Variants in TTN observed in about 807,000 individuals in gnomAD.
The protein encoded by TTN is titin, also known as connectin.
In TTN, 1,525 loss-of-function variants were observed where a neutral mutation model predicts 3,223.0. That is an observed-to-expected ratio of 0.47 (90% CI 0.45 to 0.49). The LOEUF is 0.49. TTN is among the 20% of genes least tolerant of loss of function. The pLI is 0.00. For missense variants in TTN, 40,786 were observed against 43,424.0 expected (o/e 0.94, Z 5.40); for synonymous variants, 14,094 against 15,161.0 (o/e 0.93, Z 5.17).
At position 178,543,946 on chromosome 2, in the gene TTN, G is replaced by C. The variant is rs747323263; in HGVS notation, c.96198C>G (p.Ser32066Arg). ...ASRAIIDTTE[S>R]YSLLIVDKVN... ...CTTTGTCCACTATTAGCAATGAGTA[G>C]CTCTCAGTGGTGTCAATAATTGCCC... The change falls in exon 346 of 363, where the codon AGC (serine) becomes AGG (arginine). Residue 32066 changes from serine (S) to arginine (R), a missense_variant. By Grantham distance (110) the Ser-to-Arg change is moderately radical. Transcript: ENST00000589042. 6.8e-6 allele frequency: 11 copies of C among 1,613,562 alleles called. No homozygotes were observed. The highest frequency in any genetic ancestry group is 9.3e-6 in the Non-Finnish European group (11 of 1,179,724).
At position 178,567,857 on chromosome 2, in the gene TTN, G is replaced by C. The variant is rs745927210; in HGVS notation, c.78275C>G (p.Pro26092Arg). The change falls in exon 326 of 363, where the codon CCA (proline) becomes CGA (arginine). Residue 26092 changes from proline (P) to arginine (R), a missense_variant. Coordinates refer to ENST00000589042, the MANE Select transcript of TTN (RefSeq NM_001267550.2). ...CYVARDPCDP[P>R]GTPEPIMVKR... is the part of the protein sequence containing the mutation. ...AACCATTATTGGTTCTGGGGTTCCT[G>C]GTGGGTCACAGGGATCTCTGGCTAC... 1.9e-6 allele frequency: 3 copies of C among 1,613,502 alleles called. No homozygotes were observed. Among genetic ancestry groups the C allele is most frequent in the South Asian group, 1.1e-5 (1 of 91,072 alleles).
In TTN at chr2:178,636,515, C is replaced by T; in HGVS notation, c.41212G>A (p.Gly13738Ser). The change falls in exon 225 of 363, where the codon GGT (glycine) becomes AGT (serine). Residue 13738 changes from glycine (G) to serine (S), a missense_variant. Gly to Ser is a moderately conservative substitution (Grantham distance 56, BLOSUM62 0). Transcript: ENST00000589042. This position sits in a 1 kb window ranked among gnomAD's most constrained non-coding sequence, Gnocchi z 4.3. ...ATGATGTGCAGCTTTCTGTCTTTAC[C>T]ATCTGCAATAAACCTGTGCTTGGGA... Reference protein sequence around the residue: ...ESPKHRFIADGKDRKLHIIDV... With the variant: ...ESPKHRFIADSKDRKLHIIDV... 1 of 1,613,428 alleles carries T rather than the reference C, an allele frequency of 6.2e-7. No individual in the cohort carries two copies. The highest frequency in any genetic ancestry group is 8.5e-7 in the Non-Finnish European group (1 of 1,179,574).
At position 178,539,785 on chromosome 2, in the gene TTN, A is replaced by G; in HGVS notation, c.98280T>C (p.Leu32760=). ...CACCCCTGTCTGCTTCTTTGATCAC[A>G]AGCTCAGTGTGTGTTTCAGATGTTG... The part of the protein sequence containing the change: ...MIATSETHTE[L]VIKEADRGDS... The change falls in exon 352 of 363, where the codon CTT becomes CTC. Residue 32760 remains leucine, a synonymous_variant. Coordinates refer to ENST00000589042, the MANE Select transcript of TTN (RefSeq NM_001267550.2). 6.2e-7 allele frequency: 1 copy of G among 1,613,820 alleles called. No homozygotes were observed. Among genetic ancestry groups the G allele is most frequent in the Non-Finnish European group, 8.5e-7 (1 of 1,179,766 alleles).
intron 313 of TTN, 46 bp from the exon 314 acceptor site, chr2:178,582,638 G>A: frequency 5.2e-6 from 8 of 1,539,542 alleles, no homozygotes; most frequent in Non-Finnish European, 7.0e-6. Flanking sequence ...TGGGGAATGA[G>A]TATAGAGTAG....
Position 178,701,324 on chromosome 2 carries a change from C to T in TTN, c.30599-121G>A, listed in dbSNP as rs66521408. ...GGTATTATAGTACGAATTCATCAGT[C>T]GGAACAAATAAAAGTAGCATTTATT... On this transcript the variant is annotated intron_variant, in intron 110 of 362. Transcript: ENST00000589042. The T allele has an allele frequency of 0.072, 74,980 of 1,045,472 alleles. 3,267 individuals are homozygous for T. Among genetic ancestry groups the T allele is most frequent in the Non-Finnish European group, 0.084 (61,383 of 727,842 alleles). 64.8% of individuals were successfully genotyped at this position (1,045,472 alleles called of 1,614,324 possible). A position where few individuals can be genotyped will look rare whatever the true frequency, so the allele number is the denominator to read the frequency against.
At chr2:178,631,796 C>T (rs1373302668) in intron 236 of TTN, among the ~76,000 whole-genome samples, 1 of 151,980 alleles carries the variant, frequency 6.6e-6, no homozygotes, top group Non-Finnish European at 1.5e-5. Flanking sequence ...GTAATATCTT[C>T]TCTTATGGGA....
Position 178,571,492 on chromosome 2 carries a change from C to A in TTN, c.74640G>T (p.Gln24880His), listed in dbSNP as rs755733728. 6.8e-6 allele frequency: 11 copies of A among 1,613,182 alleles called. No individual in the cohort carries two copies. In the South Asian group the frequency reaches 1.2e-4, roughly 18 times the overall value. Residue 24880 changes from glutamine (Q) to histidine (H), a missense_variant, in exon 326 of 363, where the codon CAG becomes CAT. Physicochemically the swap from Gln to His is conservative, Grantham distance 24 (BLOSUM62 0). Coordinates refer to ENST00000589042, the MANE Select transcript of TTN (RefSeq NM_001267550.2). Reference sequence around the variant, plus strand: ...ATCTGTTTTCAGCTGCAATTCTAAACTGATATTCACATCCAGTCTTCAGTC... The same window carrying A: ...ATCTGTTTTCAGCTGCAATTCTAAAATGATATTCACATCCAGTCTTCAGTC... ...ACRLKTGCEYQFRIAAENRYG... is the reference protein window; with the variant it reads ...ACRLKTGCEYHFRIAAENRYG...
chr2:178,549,789 G>A lies in TTN; in HGVS notation c.91933C>T (p.Leu30645Phe), dbSNP rs1237954818. 3 of 1,611,482 alleles carry A rather than the reference G, an allele frequency of 1.9e-6. No individual in the cohort carries two copies. Among genetic ancestry groups the A allele is most frequent in the African/African-American group, 2.7e-5 (2 of 74,862 alleles). The change falls in exon 338 of 363, where the codon CTC becomes TTC. Residue 30645 changes from leucine (L) to phenylalanine (F), a missense_variant. Coordinates refer to ENST00000589042, the MANE Select transcript of TTN (RefSeq NM_001267550.2). Reference protein sequence around the residue: ...EKMTLWWDAPLNDGCAPITHY... With the variant: ...EKMTLWWDAPFNDGCAPITHY... Reference sequence around the variant, plus strand: ...GTTATGGGAGCACAACCGTCATTGAGTGGGGCATCCCACCACAGAGTCATC... The same window carrying A: ...GTTATGGGAGCACAACCGTCATTGAATGGGGCATCCCACCACAGAGTCATC...
chr2:178,561,073 C>A lies in TTN; in HGVS notation c.85059G>T (p.Glu28353Asp), dbSNP rs752851241. 1 of 1,613,826 alleles carries A rather than the reference C, an allele frequency of 6.2e-7. No individual in the cohort carries two copies. Among genetic ancestry groups the A allele is most frequent in the Non-Finnish European group, 8.5e-7 (1 of 1,179,786 alleles). Residue 28353 changes from glutamate (E) to aspartate (D), a missense_variant, in exon 326 of 363, where the codon GAG (glutamate) becomes GAT (aspartate). Transcript: ENST00000589042. Reference protein sequence around the residue: ...TGPIIVKDDVEPPRVMMDVKF... With the variant: ...TGPIIVKDDVDPPRVMMDVKF... ...TGACATCCATCATAACTCTTGGAGGCTCAACATCATCTTTAACTATAATAG... is the reference window on the plus strand; with the variant it reads ...TGACATCCATCATAACTCTTGGAGGATCAACATCATCTTTAACTATAATAG...
Position 178,783,706 on chromosome 2 carries a change from A to T in TTN, c.2841+14T>A. 6.2e-7 allele frequency: 1 copy of T among 1,608,330 alleles called. No homozygotes were observed. Among genetic ancestry groups the T allele is most frequent in the South Asian group, 1.1e-5 (1 of 90,960 alleles). ...ATATGAATAGGGTCCAGCATTATCA[A>T]CTTCTTTACTCACCGAGACCAAAGT... On this transcript the variant is annotated intron_variant, in intron 17 of 362. Transcript: ENST00000589042.
intron 45 of TTN, 125 bp from the exon 46 acceptor site, chr2:178,756,922 A>G: frequency 1.2e-6 from 1 of 826,682 alleles, no homozygotes; most frequent in South Asian, 1.8e-5. Flanking sequence ...ACTTGAAAGC[A>G]GCATGCCAGA....
In TTN at chr2:178,536,416, G is replaced by T; in HGVS notation, c.100331C>A (p.Thr33444Lys). The change falls in exon 357 of 363, where the codon ACA (threonine) becomes AAA (lysine). Residue 33444 changes from threonine (T) to lysine (K), a missense_variant. By Grantham distance (78) the Thr-to-Lys change is moderately conservative. Transcript: ENST00000589042. The stretch of plus-strand genomic sequence containing the variant: ...AAAGACAGTTTCTCGAATTTCTTCT[G>T]TTGTCACAGAAATCCATTTATTCTG... ...KKQNKWISVT[T>K]EEIRETVFSV... The T allele has an allele frequency of 1.9e-6, 3 of 1,613,494 alleles. No individual in the cohort carries two copies. The highest frequency in any genetic ancestry group is 2.5e-6 in the Non-Finnish European group (3 of 1,179,660).
chr2:178,718,003 A>C lies in TTN; in HGVS notation c.25003T>G (p.Ser8335Ala), dbSNP rs773006091. 1 of 1,613,786 alleles carries C rather than the reference A, an allele frequency of 6.2e-7. No homozygotes were observed. The highest frequency in any genetic ancestry group is 8.5e-7 in the Non-Finnish European group (1 of 1,179,714). ...KVDHSDVGEYSCKADNSVGAV... is the reference protein window; with the variant it reads ...KVDHSDVGEYACKADNSVGAV... ...CCCACACTGTTGTCTGCCTTGCATG[A>C]ATACTCTCCCACATCACTGTGATCC... is the stretch of plus-strand genomic sequence containing the variant. The change falls in exon 86 of 363, where the codon TCA (serine) becomes GCA (alanine). Residue 8335 changes from serine to alanine, a missense_variant. Physicochemically the swap from Ser to Ala is moderately conservative, Grantham distance 99. Coordinates refer to ENST00000589042, the MANE Select transcript of TTN (RefSeq NM_001267550.2).
Position 178,640,113 on chromosome 2 carries a change from G to C in TTN, c.40724-3C>G. 1 of 1,611,500 alleles carries C rather than the reference G, an allele frequency of 6.2e-7. No homozygotes were observed. Among genetic ancestry groups the C allele is most frequent in the Non-Finnish European group, 8.5e-7 (1 of 1,178,526 alleles). On this transcript the variant is annotated splice_region_variant and splice_polypyrimidine_tract_variant and intron_variant, in intron 221 of 362. Transcript: ENST00000589042. ...TATTGCTGGCTTGATTTCAGGCACT[G>C]AAATAATTTAGAGTAGAGGGCAGAT...
At position 178,532,151 on chromosome 2, in the gene TTN, A is replaced by G. The variant is rs531581032; in HGVS notation, c.104464T>C (p.Ser34822Pro). 3 of 1,613,846 alleles carry G rather than the reference A, an allele frequency of 1.9e-6. No individual in the cohort carries two copies. Among genetic ancestry groups the G allele is most frequent in the African/African-American group, 1.3e-5 (1 of 75,032 alleles). Residue 34822 changes from serine (S) to proline (P), a missense_variant, in exon 358 of 363, where the codon TCA (serine) becomes CCA (proline). Ser to Pro is a moderately conservative substitution (Grantham distance 74). Transcript: ENST00000589042. ...GATGATTCTCTTTGAGCATGTTTTGAGATTTCGTATTCTTCCTCAATTTCT... is the reference window on the plus strand; with the variant it reads ...GATGATTCTCTTTGAGCATGTTTTGGGATTTCGTATTCTTCCTCAATTTCT... ...ITEIEEEYEI[S>P]KHAQRESSSS...
chr2:178,682,555 T>A lies in TTN; in HGVS notation c.33094+142A>T, dbSNP rs2069707604. 3 of 766,278 alleles carry A rather than the reference T, an allele frequency of 3.9e-6. No homozygotes were observed. In the South Asian group the frequency reaches 7.4e-5, roughly 19 times the overall value. 47.5% of individuals were successfully genotyped at this position (766,278 alleles called of 1,614,324 possible). A position where few individuals can be genotyped will look rare whatever the true frequency, so the allele number is the denominator to read the frequency against. ...TCTAGAAGTTATCAAAGAAGAAAATTCCGCATTTGCGAAATGAAACAAAGT... is the reference window on the plus strand; with the variant it reads ...TCTAGAAGTTATCAAAGAAGAAAATACCGCATTTGCGAAATGAAACAAAGT... On this transcript the variant is annotated intron_variant, in intron 135 of 362. Coordinates refer to ENST00000589042, the MANE Select transcript of TTN (RefSeq NM_001267550.2).
At chr2:178,641,477 TG>T (rs1434319080) in intron 219 of TTN, 162 bp from the exon 220 acceptor site, 41 of 458,736 alleles carry the variant, frequency 8.9e-5, no homozygotes, top group Non-Finnish European at 1.1e-4. Flanking sequence ...TTTTTTGTTT[TG>T]TTTTTTTTAA....
chr2:178,633,114 A>C (rs770661693), intron 233 of TTN, 70 bp from the exon 234 acceptor site: 1 of 1,599,096 alleles, frequency 6.3e-7, no homozygotes, highest in Admixed American at 1.7e-5. Context: ...AATCATCAAG[A>C]TATTTTATGC....
At chr2:178,742,631 A>G (rs2082699906) in intron 47 of TTN, among the ~76,000 whole-genome samples, 1 of 152,162 alleles carries the variant, frequency 6.6e-6, no homozygotes, top group African/African-American at 2.4e-5. Flanking sequence ...GAAAACCTAT[A>G]CAGAACCACT....
Sources: allele counts gnomAD v4.1 joint callset (sites outside exome capture counted in the v4.1 genomes callset), GRCh38; gene constraint gnomAD v4.1.1; non-coding constraint Gnocchi (gnomAD v3.1); transcripts MANE v1.5; gene names NCBI Gene and HGNC (gene_info 2026-07-23, HGNC 2026-07-21).